Variants in ZNF280D observed in about 807,000 individuals in gnomAD.
ZNF280D encodes the protein suppressor of hairy wing homolog 4.
ZNF280D carries 39 observed loss-of-function variants against 94.7 expected under a neutral mutation model. The ratio of observed to expected loss-of-function variants is 0.41; its 90% CI spans 0.32 to 0.54. The LOEUF (loss-of-function observed/expected upper bound fraction) is 0.54. Among genes scored for constraint, ZNF280D ranks in the 20% least tolerant of loss-of-function variants. The pLI, the probability that ZNF280D is intolerant of heterozygous loss-of-function variation, is 0.22. For synonymous variants in ZNF280D, 398 were observed against 377.6 expected (o/e 1.05, Z -0.63); for missense variants, 1,090 against 1,149.3 (o/e 0.95, Z 0.75).
At position 56,702,786 on chromosome 15, in the gene ZNF280D, A is replaced by ACT. The variant is rs1184531689; in HGVS notation, c.175+1333_175+1334dup. Among the ~76,000 whole-genome samples, 5 of 151,942 alleles carry ACT rather than the reference A, an allele frequency of 3.3e-5. No individual in the cohort carries two copies. In the South Asian group the frequency reaches 8.3e-4, roughly 25 times the overall value. On this transcript the variant is annotated intron_variant, in intron 4 of 21. Transcript: ENST00000267807. ...TATTGAAAATTCGATTGGTGAAATTACTCTCTCTCTGATAAAACTGAATAA... is the reference window on the plus strand; with the variant it reads ...TATTGAAAATTCGATTGGTGAAATTACTCTCTCTCTCTGATAAAACTGAATAA...
intron 1 of ZNF280D, among the ~76,000 whole-genome samples, chr15:56,719,660 T>C (rs1228080056): frequency 1.3e-5 from 2 of 152,124 alleles, no homozygotes; most frequent in African/African-American, 4.8e-5. Flanking sequence ...ACTATCTAGA[T>C]ATTTAAACGC....
intron 1 of ZNF280D, among the ~76,000 whole-genome samples, chr15:56,709,063 G>A (rs1567019772): frequency 6.6e-6 from 1 of 152,074 alleles, no homozygotes; most frequent in African/African-American, 2.4e-5. Context: ...CCATCAGAGT[G>A]AACAGGCAAC....
intron 1 of ZNF280D, among the ~76,000 whole-genome samples, chr15:56,726,533 G>A (rs991753750): frequency 3.3e-5 from 5 of 152,056 alleles, no homozygotes; most frequent in Non-Finnish European, 7.4e-5. Flanking sequence ...TACATTATGG[G>A]ATGTTAGTGG....
chr15:56,667,988 A>G (rs1324554028), intron 14 of ZNF280D: 1 of 298,940 alleles, frequency 3.3e-6, no homozygotes, highest in Non-Finnish European at 6.5e-6. Flanking sequence ...AGAGGACTGC[A>G]CTGCTTACAT....
chr15:56,730,742 T>C (rs998350869), intron 1 of ZNF280D: 5 of 152,396 alleles, frequency 3.3e-5, no homozygotes. Flanking sequence ...GATGGGTTAG[T>C]ATTTCCTCCA....
chr15:56,728,908 A>C (rs1490258765), intron 1 of ZNF280D, among the ~76,000 whole-genome samples: 1 of 152,214 alleles, frequency 6.6e-6, no homozygotes, highest in Non-Finnish European at 1.5e-5. Context: ...TGTTCTGTGC[A>C]TATTTGAGGT....
chr15:56,632,737 G>T (rs2052145194), intron 21 of ZNF280D, among the ~76,000 whole-genome samples: 1 of 151,754 alleles, frequency 6.6e-6, no homozygotes, highest in African/African-American at 2.4e-5. Flanking sequence ...CAATCCTCTT[G>T]CCTTGGCTCC....
intron 16 of ZNF280D, 78 bp downstream of exon 16, chr15:56,666,316 TA>T: frequency 6.6e-7 from 1 of 1,503,972 alleles, no homozygotes; most frequent in Middle Eastern, 2.1e-4. Context: ...TGGCTTCTAA[TA>T]GGATAACTTT....
At chr15:56,700,701 T>C in intron 6 of ZNF280D, 1 of 1,439,370 alleles carries the variant, frequency 6.9e-7, no homozygotes, top group Non-Finnish European at 9.1e-7. Flanking sequence ...TTCATTACTG[T>C]ACCTATTTAG....
intron 1 of ZNF280D, among the ~76,000 whole-genome samples, chr15:56,732,143 C>A (rs1438396472): frequency 1.3e-5 from 2 of 152,178 alleles, no homozygotes; most frequent in African/African-American, 4.8e-5. Flanking sequence ...GAGAAGGAGT[C>A]AGAAGACCTA....
intron 9 of ZNF280D, among the ~76,000 whole-genome samples, chr15:56,687,172 T>TA (rs546008902): frequency 1.1e-3 from 168 of 152,274 alleles, no homozygotes; most frequent in African/African-American, 3.8e-3. Flanking sequence ...TTCCTTATGA[T>TA]ATAAACACAT....
chr15:56,677,583 A>G lies in ZNF280D; in HGVS notation c.1254T>C (p.Tyr418=). ...TAAAATGTATGTGTACCTGGCAGAC[A>G]TATGGCATTTCACCAGGTTTATGAT... ...KDNHKPGEMP[Y]VCQVCNYRSS... The change falls in exon 12 of 22, where the codon TAT becomes TAC. Residue 418 remains tyrosine, a synonymous_variant. Transcript: ENST00000267807. 6.2e-7 allele frequency: 1 copy of G among 1,603,146 alleles called. No homozygotes were observed. The highest frequency in any genetic ancestry group is 1.1e-5 in the South Asian group (1 of 90,752).
At chr15:56,692,485 A>G (rs952880206) in intron 7 of ZNF280D, among the ~76,000 whole-genome samples, 1 of 152,094 alleles carries the variant, frequency 6.6e-6, no homozygotes, top group Non-Finnish European at 1.5e-5. Flanking sequence ...ATTTTATAGT[A>G]CACTAATTTA....
intron 9 of ZNF280D, among the ~76,000 whole-genome samples, chr15:56,687,109 C>T (rs1284915615): frequency 2.0e-5 from 3 of 151,918 alleles, no homozygotes; most frequent in Non-Finnish European, 4.4e-5. Flanking sequence ...AATAAAAAGT[C>T]CCCACAGATT....
intron 20 of ZNF280D, among the ~76,000 whole-genome samples, chr15:56,636,448 T>C (rs2140508854): frequency 6.6e-6 from 1 of 151,728 alleles, no homozygotes; most frequent in South Asian, 2.1e-4. Context: ...ATCCCTTCCC[T>C]TACCAAAGAG....
chr15:56,664,663 C>A (rs1417365562), intron 16 of ZNF280D, among the ~76,000 whole-genome samples: 3 of 151,974 alleles, frequency 2.0e-5, no homozygotes, highest in African/African-American at 7.2e-5. Flanking sequence ...AAGGATTAAA[C>A]AAATGTTGCA....
At chr15:56,652,009 A>G (rs2053234679) in intron 19 of ZNF280D, among the ~76,000 whole-genome samples, 1 of 151,616 alleles carries the variant, frequency 6.6e-6, no homozygotes, top group Admixed American at 6.6e-5. Flanking sequence ...GGGTAGAGAG[A>G]GGAGATAACA....
At chr15:56,653,458 C>A in intron 19 of ZNF280D, 1 of 1,472,938 alleles carries the variant, frequency 6.8e-7, no homozygotes, top group Non-Finnish European at 9.0e-7. Flanking sequence ...TTTCTTGAGG[C>A]CACAACCTAA....
chr15:56,702,574 T>C (rs1361282689), intron 4 of ZNF280D, among the ~76,000 whole-genome samples: 3 of 152,194 alleles, frequency 2.0e-5, no homozygotes, highest in African/African-American at 7.2e-5. Flanking sequence ...TCACCTTGAA[T>C]CTTAACTGTC....
Sources: gnomAD v4.1 joint callset for allele counts (sites outside exome capture counted in the v4.1 genomes callset) on GRCh38, gnomAD v4.1.1 for gene constraint, MANE v1.5 for transcripts, NCBI Gene and HGNC (gene_info 2026-07-23, HGNC 2026-07-21) for gene names.